CLSTN1: variants seen among roughly 807,000 people sequenced by gnomAD.
CLSTN1 encodes the protein calsyntenin-1.
A neutral mutation model predicts 108.3 loss-of-function variants in CLSTN1; 28 were observed. The ratio of observed to expected loss-of-function variants is 0.26; its 90% CI spans 0.19 to 0.35. The LOEUF (loss-of-function observed/expected upper bound fraction) is 0.35, where lower values mean the gene tolerates loss of function less well. CLSTN1 is among the 10% of genes least tolerant of loss of function. The probability of loss-of-function intolerance (pLI) is 1.00; values close to 1 mark genes in which losing one functional copy is unlikely to be tolerated. For missense variants in CLSTN1, 1,157 were observed against 1,302.6 expected (o/e 0.89, Z 1.72); for synonymous variants, 524 against 534.9 (o/e 0.98, Z 0.28).
intron 4 of CLSTN1, 58 bp downstream of exon 4, chr1:9,755,055 GT>G (rs1307149473): frequency 6.8e-7 from 1 of 1,468,734 alleles, no homozygotes; most frequent in African/African-American, 1.4e-5. Flanking sequence ...TACTATTTTC[GT>G]TCTGCGCACA....
rs538270707 is a variant in CLSTN1, at chr1:9,741,014, G to A, written c.1519+80C>T. On this transcript the variant is annotated intron_variant, in intron 10 of 18. Coordinates refer to ENST00000377298, the MANE Select transcript of CLSTN1 (RefSeq NM_001009566.3). ...CACGAGGGTAAGGCTGTAGGATACC[G>A]ATCACAGCCTGCTGCCACCAACCTA... 35 of 1,453,772 alleles carry A rather than the reference G, an allele frequency of 2.4e-5. No individual in the cohort carries two copies. The East Asian group carries it at 5.0e-4, about 21-fold the overall frequency. The allele number at this position is 1,453,772 out of a possible 1,614,324, so 90.1% of individuals were successfully genotyped here. A position where few individuals can be genotyped will look rare whatever the true frequency, so the allele number is the denominator to read the frequency against.
chr1:9,823,775 C>T lies in CLSTN1; in HGVS notation c.-42G>A. On this transcript the variant is annotated 5_prime_UTR_variant, in exon 1 of 19. Coordinates refer to ENST00000377298, the MANE Select transcript of CLSTN1 (RefSeq NM_001009566.3). The surrounding 1 kb of genome is among the most constrained non-coding windows in gnomAD (Gnocchi z 6.3). ...GAGCGGCAGGGAGGCGCGCGGGACGCCGAGCGGAGCTCTCGGAGCTCTCGG... is the reference window on the plus strand; with the variant it reads ...GAGCGGCAGGGAGGCGCGCGGGACGTCGAGCGGAGCTCTCGGAGCTCTCGG... The T allele has an allele frequency of 1.0e-6, 1 of 963,358 alleles. No homozygotes were observed. The highest frequency in any genetic ancestry group is 5.8e-5 in the Admixed American group (1 of 17,340). 59.7% of individuals were successfully genotyped at this position (963,358 alleles called of 1,614,324 possible).
intron 2 of CLSTN1, among the ~76,000 whole-genome samples, chr1:9,771,344 G>A (rs984507559): frequency 2.6e-5 from 4 of 152,176 alleles, no homozygotes; most frequent in Admixed American, 6.5e-5. Context: ...GGACGGGCAT[G>A]GTGGCTTAAG....
At chr1:9,751,367 T>A in intron 5 of CLSTN1, 106 bp downstream of exon 5, 1 of 1,051,876 alleles carries the variant, frequency 9.5e-7, no homozygotes, top group Non-Finnish European at 1.4e-6. Flanking sequence ...GTCTCCAACT[T>A]GTGAGTTCCA....
rs774858082 is a variant in CLSTN1 at position 9,736,066 on chromosome 1, G to T, written c.1577-24C>A. 8 of 1,613,798 alleles carry T rather than the reference G, an allele frequency of 5.0e-6. No individual in the cohort carries two copies. The East Asian group carries it at 1.6e-4, about 31-fold the overall frequency. On this transcript the variant is annotated intron_variant, in intron 11 of 18. Transcript: ENST00000377298. The stretch of plus-strand genomic sequence containing the variant: ...ACCTTTGGGTCAGGGGAGAAAAGGC[G>T]AAGTCAGGCGTGCAACCCAGCATCG...
chr1:9,797,225 G>T (rs1654049015), intron 1 of CLSTN1, among the ~76,000 whole-genome samples: 1 of 152,114 alleles, frequency 6.6e-6, no homozygotes, highest in South Asian at 2.1e-4. Context: ...CAGGCAAGAG[G>T]ACCCTTGAGC....
At chr1:9,780,891 G>C in intron 1 of CLSTN1, 1 of 324,496 alleles carries the variant, frequency 3.1e-6, no homozygotes, top group South Asian at 6.1e-5. Context: ...CGGTGCGGGA[G>C]ACCATGGACA....
chr1:9,768,442 CA>C (rs1314659834), intron 2 of CLSTN1, among the ~76,000 whole-genome samples: 1 of 86,548 alleles, frequency 1.2e-5, no homozygotes, highest in Non-Finnish European at 2.3e-5. Context: ...TGGGCGGCAC[CA>C]GGGGGGCGGG....
intron 1 of CLSTN1, among the ~76,000 whole-genome samples, chr1:9,797,722 T>G (rs148650414): frequency 0.022 from 3,354 of 152,034 alleles, 51 homozygotes; most frequent in Non-Finnish European, 0.036. Context: ...CAGAGGAGGC[T>G]TGGCTAGGAA....
Position 9,810,797 on chromosome 1 carries a change from AAAAT to A in CLSTN1, c.91+12842_91+12845del, listed in dbSNP as rs532514319. 6.8e-4 allele frequency among the ~76,000 whole-genome samples: 103 copies of A among 152,120 alleles called. 1 individual carries two copies. The highest frequency in any genetic ancestry group is 5.5e-3 in the Admixed American group (84 of 15,266). On this transcript the variant is annotated intron_variant, in intron 1 of 18. Transcript: ENST00000377298. ...CTCAAAAAATAAATAAATAAAATTA[AAAAT>A]AAATAAATAAATAAAAATAAAATCT... is the stretch of plus-strand genomic sequence containing the variant.
intron 1 of CLSTN1, among the ~76,000 whole-genome samples, chr1:9,813,228 T>C (rs1030674672): frequency 4.6e-5 from 7 of 151,532 alleles, no homozygotes; most frequent in Admixed American, 1.3e-4. Flanking sequence ...ACAGATGCAG[T>C]GGCTCACGCC....
chr1:9,765,856 G>A (rs899618496), intron 2 of CLSTN1, among the ~76,000 whole-genome samples: 3 of 151,944 alleles, frequency 2.0e-5, no homozygotes, highest in African/African-American at 4.8e-5. Context: ...CAGCCTGGGC[G>A]ACACAGCGAG....
chr1:9,814,443 T>C (rs1440072538), intron 1 of CLSTN1, among the ~76,000 whole-genome samples: 2 of 152,188 alleles, frequency 1.3e-5, no homozygotes, highest in Non-Finnish European at 2.9e-5. Flanking sequence ...GATATTCATT[T>C]TTACTGAGTT....
At chr1:9,740,319 C>T (rs1207922678) in intron 10 of CLSTN1, among the ~76,000 whole-genome samples, 1 of 152,192 alleles carries the variant, frequency 6.6e-6, no homozygotes, top group African/African-American at 2.4e-5. Flanking sequence ...CTCAGCCTCC[C>T]AAAGTGCTGG....
chr1:9,810,584 G>A (rs1046114118), intron 1 of CLSTN1, among the ~76,000 whole-genome samples: 6 of 151,220 alleles, frequency 4.0e-5, no homozygotes, highest in African/African-American at 1.5e-4. Context: ...AGACCAGGCT[G>A]GCCAACATGG....
chr1:9,741,137 T>C lies in CLSTN1; in HGVS notation c.1476A>G (p.Pro492=). Residue 492 remains proline, a synonymous_variant, in exon 10 of 19, where the codon CCA becomes CCG. Coordinates refer to ENST00000377298, the MANE Select transcript of CLSTN1 (RefSeq NM_001009566.3). ...CCACGAGCTGAGTTTCTATCTTGGA[T>C]GGATGGAGCGGGTAATCCTCAGTCA... ...FSVTEDYPLH[P]SKIETQLVVG... 1.2e-6 allele frequency: 2 copies of C among 1,614,146 alleles called. No individual in the cohort carries two copies. Among genetic ancestry groups the C allele is most frequent in the Non-Finnish European group, 1.7e-6 (2 of 1,180,012 alleles).
intron 1 of CLSTN1, among the ~76,000 whole-genome samples, chr1:9,822,672 GC>G (rs1303564721): frequency 6.6e-6 from 1 of 152,176 alleles, no homozygotes; most frequent in African/African-American, 2.4e-5. Context: ...TACTGTATCT[GC>G]AATGCGTAAG....
intron 1 of CLSTN1, among the ~76,000 whole-genome samples, chr1:9,774,752 G>C (rs1290504342): frequency 2.0e-5 from 3 of 151,876 alleles, no homozygotes; most frequent in Non-Finnish European, 4.4e-5. Flanking sequence ...ACAGAGTCAA[G>C]TGAAAGCAAC....
At chr1:9,798,343 T>C (rs1173184812) in intron 1 of CLSTN1, among the ~76,000 whole-genome samples, 2 of 152,188 alleles carry the variant, frequency 1.3e-5, no homozygotes, top group East Asian at 3.9e-4. Context: ...AAAACCTGCA[T>C]CAACAGATGA....
Sources: allele counts gnomAD v4.1 joint callset (sites outside exome capture counted in the v4.1 genomes callset), GRCh38; gene constraint gnomAD v4.1.1; non-coding constraint Gnocchi (gnomAD v3.1); transcripts MANE v1.5; gene names NCBI Gene and HGNC (gene_info 2026-07-23, HGNC 2026-07-21).